The following C8orf34 variants were observed in gnomAD, a reference collection of about 807,000 sequenced individuals.
The protein encoded by C8orf34 is uncharacterized protein C8orf34.
In C8orf34, 65 loss-of-function variants were observed where a neutral mutation model predicts 68.3. The ratio of observed to expected loss-of-function variants is 0.95; its 90% confidence interval spans 0.78 to 1.17. The LOEUF is 1.17. C8orf34 is among the 50% of genes most tolerant of loss of function. C8orf34 has a pLI of 0.00. For missense variants in C8orf34, 664 were observed against 655.4 expected (o/e 1.01, Z -0.14); for synonymous variants, 244 against 241.2 (o/e 1.01, Z -0.11).
At position 68,763,735 on chromosome 8, in the gene C8orf34, T is replaced by C. The variant is rs1348124245; in HGVS notation, c.1405-12664T>C. 2.0e-5 allele frequency among the ~76,000 whole-genome samples: 3 copies of C among 152,216 alleles called. No individual in the cohort carries two copies. In the East Asian group the frequency reaches 5.8e-4, roughly 29 times the overall value. ...TATCTTTTGTATATTAAATTAGAAA[T>C]TTGTGCTTCTTGTAATAATCCTCAT... On this transcript the variant is annotated intron_variant, in intron 10 of 13. Transcript: ENST00000518698.
chr8:68,377,555 C>T (rs891865484), intron 1 of C8orf34, among the ~76,000 whole-genome samples: 10 of 152,132 alleles, frequency 6.6e-5, no homozygotes, highest in African/African-American at 2.4e-4. Flanking sequence ...CAGGATTCTG[C>T]TACTCTCAGT....
intron 7 of C8orf34, among the ~76,000 whole-genome samples, chr8:68,634,153 A>T (rs1243229755): frequency 6.6e-6 from 1 of 152,198 alleles, no homozygotes; most frequent in African/African-American, 2.4e-5. Context: ...TCTGTACAGA[A>T]TTCTCTCTGT....
intron 3 of C8orf34, among the ~76,000 whole-genome samples, chr8:68,459,544 T>C (rs1811699983): frequency 2.0e-5 from 3 of 152,128 alleles, no homozygotes; most frequent in South Asian, 4.1e-4. Context: ...AAGGGAACTC[T>C]TATACACTGT....
chr8:68,642,590 G>T (rs189222331), intron 8 of C8orf34, among the ~76,000 whole-genome samples: 1 of 152,238 alleles, frequency 6.6e-6, no homozygotes, highest in Admixed American at 6.5e-5. Context: ...CATCTTCACT[G>T]GTTTCCTGAG....
chr8:68,458,267 A>T (rs765680200), intron 3 of C8orf34, among the ~76,000 whole-genome samples: 3 of 152,198 alleles, frequency 2.0e-5, no homozygotes, highest in Non-Finnish European at 4.4e-5. Flanking sequence ...TCAGTGGCTG[A>T]AAACAGCAAC....
chr8:68,795,299 C>T (rs1047770636), intron 12 of C8orf34, among the ~76,000 whole-genome samples: 1 of 148,954 alleles, frequency 6.7e-6, no homozygotes, highest in Non-Finnish European at 1.5e-5. Flanking sequence ...ATCTGGACTT[C>T]CTCATGGACA....
At chr8:68,689,784 A>C (rs918958740) in intron 8 of C8orf34, among the ~76,000 whole-genome samples, 4 of 152,004 alleles carry the variant, frequency 2.6e-5, no homozygotes, top group African/African-American at 9.7e-5. Context: ...AGTTTCAGTT[A>C]TCTCTAATCC....
At chr8:68,432,715 G>A (rs979485270) in intron 1 of C8orf34, among the ~76,000 whole-genome samples, 27 of 152,196 alleles carry the variant, frequency 1.8e-4, no homozygotes, top group African/African-American at 6.5e-4. Flanking sequence ...TGAACCACTA[G>A]GGGACAGTCT....
chr8:68,774,895 T>G (rs1199865559), intron 10 of C8orf34, among the ~76,000 whole-genome samples: 3 of 140,700 alleles, frequency 2.1e-5, no homozygotes, highest in African/African-American at 8.2e-5. Flanking sequence ...TTACCTGAAG[T>G]CAGGAGTTCG....
chr8:68,456,378 TG>T (rs1320359402), intron 3 of C8orf34, among the ~76,000 whole-genome samples: 2 of 152,210 alleles, frequency 1.3e-5, no homozygotes, highest in African/African-American at 4.8e-5. Context: ...CTTGGTAGAA[TG>T]TAATATCTTC....
At chr8:68,543,898 C>A (rs1489181673) in intron 7 of C8orf34, among the ~76,000 whole-genome samples, 3 of 152,172 alleles carry the variant, frequency 2.0e-5, no homozygotes, top group Middle Eastern at 3.4e-3. Context: ...CAAAAGGCAG[C>A]ACAGGTGTTT....
intron 5 of C8orf34, among the ~76,000 whole-genome samples, chr8:68,493,793 C>T (rs1199640575): frequency 6.6e-6 from 1 of 152,130 alleles, no homozygotes; most frequent in African/African-American, 2.4e-5. Context: ...TTCCTCTCCA[C>T]CATGTGAGCA....
At chr8:68,683,264 C>T (rs945915031) in intron 8 of C8orf34, among the ~76,000 whole-genome samples, 2 of 151,650 alleles carry the variant, frequency 1.3e-5, no homozygotes. Flanking sequence ...TTATATGATT[C>T]TAACAAAATT....
chr8:68,746,739 T>A (rs1822510273), intron 10 of C8orf34, among the ~76,000 whole-genome samples: 2 of 147,908 alleles, frequency 1.4e-5, no homozygotes, highest in South Asian at 4.4e-4. Context: ...GTGGCAATAA[T>A]CAATAGCTTA....
chr8:68,472,410 T>C (rs1812419060), intron 4 of C8orf34, among the ~76,000 whole-genome samples: 1 of 152,118 alleles, frequency 6.6e-6, no homozygotes, highest in South Asian at 2.1e-4. Context: ...AGGGCACACC[T>C]GATTAGGTCA....
intron 8 of C8orf34, among the ~76,000 whole-genome samples, chr8:68,667,728 G>A (rs1459046320): frequency 3.3e-5 from 5 of 152,036 alleles, no homozygotes; most frequent in African/African-American, 1.2e-4. Context: ...CAATATTTTA[G>A]TCAATTATCC....
At chr8:68,506,462 T>G (rs892718178) in intron 5 of C8orf34, among the ~76,000 whole-genome samples, 1 of 152,218 alleles carries the variant, frequency 6.6e-6, no homozygotes, top group African/African-American at 2.4e-5. Context: ...GCCTCCTGAG[T>G]AGCTGGGACT....
intron 8 of C8orf34, among the ~76,000 whole-genome samples, chr8:68,687,516 G>A (rs1349933933): frequency 6.6e-6 from 1 of 152,000 alleles, no homozygotes; most frequent in Non-Finnish European, 1.5e-5. Flanking sequence ...TTAGGGAAAG[G>A]ACACCGTATT....
At chr8:68,696,397 A>G (rs1315304929) in intron 8 of C8orf34, among the ~76,000 whole-genome samples, 1 of 149,666 alleles carries the variant, frequency 6.7e-6, no homozygotes, top group Non-Finnish European at 1.5e-5. Context: ...ACTAGATTTT[A>G]TATATACATA....
Sources: gnomAD v4.1 joint callset for allele counts (sites outside exome capture counted in the v4.1 genomes callset) on GRCh38, gnomAD v4.1.1 for gene constraint, MANE v1.5 for transcripts, NCBI Gene and HGNC (gene_info 2026-07-23, HGNC 2026-07-21) for gene names.